Variants in ADGRL3 observed in about 807,000 individuals in gnomAD.
The protein encoded by ADGRL3 is calcium-independent alpha-latrotoxin receptor 3.
A neutral mutation model predicts 153.5 loss-of-function variants in ADGRL3; 62 were observed. That is an observed-to-expected ratio of 0.40 (90% CI 0.33 to 0.50). The LOEUF (loss-of-function observed/expected upper bound fraction) is 0.50, where lower values mean the gene tolerates loss of function less well. ADGRL3 is among the 20% of genes least tolerant of loss of function. ADGRL3 has a pLI of 0.47. For synonymous variants in ADGRL3, 710 were observed against 672.5 expected, an observed-to-expected ratio of 1.06 and a Z score of -0.86; for missense variants, 1,641 against 1,859.4, an observed-to-expected ratio of 0.88 and a Z score of 2.16.
chr4:61,484,443 C>G (rs148463726), intron 2 of ADGRL3, among the ~76,000 whole-genome samples: 1 of 152,134 alleles, frequency 6.6e-6, no homozygotes, highest in Non-Finnish European at 1.5e-5. Context: ...GTCAATTTTG[C>G]GAGGATTTAA....
At chr4:61,884,026 G>C (rs2098523284) in intron 9 of ADGRL3, among the ~76,000 whole-genome samples, 1 of 152,072 alleles carries the variant, frequency 6.6e-6, no homozygotes, top group Non-Finnish European at 1.5e-5. Flanking sequence ...GCTTTTTAGA[G>C]AAGGCTTCCA....
intron 8 of ADGRL3, among the ~76,000 whole-genome samples, chr4:61,760,867 G>C (rs568994753): frequency 9.2e-5 from 14 of 152,302 alleles, no homozygotes; most frequent in Admixed American, 4.6e-4. Context: ...CACAGACCCG[G>C]CTGTGTGGGA....
chr4:61,615,785 T>A (rs1200782990), intron 5 of ADGRL3, among the ~76,000 whole-genome samples: 1 of 152,100 alleles, frequency 6.6e-6, no homozygotes, highest in Admixed American at 6.6e-5. Context: ...GTGTATGTAT[T>A]TATATGTATA....
intron 9 of ADGRL3, among the ~76,000 whole-genome samples, chr4:61,835,930 G>A (rs986478784): frequency 6.6e-6 from 1 of 152,090 alleles, no homozygotes; most frequent in African/African-American, 2.4e-5. Flanking sequence ...GCTTTTAACT[G>A]CTCAAGATAA....
intron 25 of ADGRL3, among the ~76,000 whole-genome samples, chr4:62,048,924 TTCC>T (rs1333134587): frequency 6.6e-6 from 1 of 152,068 alleles, no homozygotes; most frequent in Non-Finnish European, 1.5e-5. Flanking sequence ...ACTGAGACAT[TTCC>T]TCTGACAGTG....
intron 3 of ADGRL3, among the ~76,000 whole-genome samples, chr4:61,498,668 G>A (rs1489376657): frequency 6.6e-6 from 1 of 152,124 alleles, no homozygotes; most frequent in Non-Finnish European, 1.5e-5. Flanking sequence ...TATACTTAAT[G>A]TTGTTCATTT....
rs1746041568 is a variant in ADGRL3, at chr4:62,072,606, A to C, written c.*1698A>C. Reference sequence around the variant, plus strand: ...AGATGAATAAGCTAAGCACAAAATCATACAGGTTTGCAGACAAAGTAAACC... The same window carrying C: ...AGATGAATAAGCTAAGCACAAAATCCTACAGGTTTGCAGACAAAGTAAACC... On this transcript the variant is annotated 3_prime_UTR_variant, in exon 27 of 27. Transcript: ENST00000683033. 3.9e-5 allele frequency: 6 copies of C among 152,416 alleles called. No individual in the cohort carries two copies. In the South Asian group the frequency reaches 1.2e-3, roughly 32 times the overall value. 9.4% of individuals were successfully genotyped at this position (152,416 alleles called of 1,614,324 possible).
chr4:61,222,317 A>G (rs902079482), intron 1 of ADGRL3, among the ~76,000 whole-genome samples: 1 of 152,162 alleles, frequency 6.6e-6, no homozygotes, highest in Non-Finnish European at 1.5e-5. Context: ...ATTTTAATTC[A>G]TAATTGTACA....
At chr4:61,812,547 A>G (rs2148606021) in intron 8 of ADGRL3, among the ~76,000 whole-genome samples, 1 of 152,308 alleles carries the variant, frequency 6.6e-6, no homozygotes, top group Admixed American at 6.5e-5. Flanking sequence ...GAAATATATA[A>G]CTGCATATTC....
At chr4:61,916,260 A>G (rs2098744663) in intron 13 of ADGRL3, among the ~76,000 whole-genome samples, 1 of 152,214 alleles carries the variant, frequency 6.6e-6, no homozygotes, top group African/African-American at 2.4e-5. Flanking sequence ...TTTAATATAC[A>G]TATTTTAATT....
intron 13 of ADGRL3, among the ~76,000 whole-genome samples, chr4:61,921,230 T>C (rs939374281): frequency 6.6e-6 from 1 of 152,084 alleles, no homozygotes; most frequent in South Asian, 2.1e-4. Context: ...AGACACATGG[T>C]ATAAAATTCA....
At chr4:61,606,565 G>A (rs142272562) in intron 5 of ADGRL3, among the ~76,000 whole-genome samples, 116 of 152,238 alleles carry the variant, frequency 7.6e-4, no homozygotes, top group African/African-American at 2.7e-3. Context: ...AAGGACATCA[G>A]TCCTATTGGA....
chr4:61,562,145 A>G (rs1203325057), intron 4 of ADGRL3, among the ~76,000 whole-genome samples: 1 of 152,178 alleles, frequency 6.6e-6, no homozygotes, highest in African/African-American at 2.4e-5. Context: ...TCTGTAGCCT[A>G]TTAGGTGTGC....
intron 4 of ADGRL3, among the ~76,000 whole-genome samples, chr4:61,537,698 A>AT (rs2098665393): frequency 6.6e-6 from 1 of 152,030 alleles, no homozygotes; most frequent in African/African-American, 2.4e-5. Context: ...CCTTTAGTGA[A>AT]TTTTTAAATT....
Position 61,844,651 on chromosome 4 carries a change from G to A in ADGRL3, c.1480+30762G>A, listed in dbSNP as rs191438661. ...AAAAGACTGACTAAAACGAATAATC[G>A]TAATAACCTCATTGTTTTGTAGTTT... is the stretch of plus-strand genomic sequence containing the variant. On this transcript the variant is annotated intron_variant, in intron 9 of 26. Transcript: ENST00000683033. Among the ~76,000 whole-genome samples the A allele has an allele frequency of 4.8e-3, 623 of 129,562 alleles. 22 individuals are homozygous for A. In the Admixed American group the frequency reaches 0.049, roughly 10 times the overall value. The allele number at this position is 129,562 out of a possible 152,430, so 85.0% of individuals were successfully genotyped here. A position where few individuals can be genotyped will look rare whatever the true frequency, so the allele number is the denominator to read the frequency against.
intron 5 of ADGRL3, among the ~76,000 whole-genome samples, chr4:61,630,207 C>T (rs1437370813): frequency 2.6e-5 from 4 of 152,146 alleles, no homozygotes; most frequent in Non-Finnish European, 2.9e-5. Context: ...AGGGTTTATA[C>T]ACATGTAATA....
At chr4:61,820,737 C>T (rs1017908177) in intron 9 of ADGRL3, among the ~76,000 whole-genome samples, 1 of 152,080 alleles carries the variant, frequency 6.6e-6, no homozygotes, top group Non-Finnish European at 1.5e-5. Context: ...AATACTACTT[C>T]GGTGATTTTA....
At position 61,234,795 on chromosome 4, in the gene ADGRL3, G is replaced by C. The variant is rs140503452; in HGVS notation, c.-240+33030G>C. Among the ~76,000 whole-genome samples, 1,382 of 152,208 alleles carry C rather than the reference G, an allele frequency of 9.1e-3. 10 individuals are homozygous for C. The highest frequency in any genetic ancestry group is 0.014 in the Non-Finnish European group (982 of 68,002). On this transcript the variant is annotated intron_variant, in intron 1 of 26. Transcript: ENST00000683033. ...GCAGTAGGATGATGACCGAATGAGGGGTAGTAGTGGACAGCAGGTGTACAT... is the reference window on the plus strand; with the variant it reads ...GCAGTAGGATGATGACCGAATGAGGCGTAGTAGTGGACAGCAGGTGTACAT...
At chr4:61,875,510 A>G (rs2098470053) in intron 9 of ADGRL3, among the ~76,000 whole-genome samples, 3 of 152,196 alleles carry the variant, frequency 2.0e-5, no homozygotes, top group African/African-American at 4.8e-5. Flanking sequence ...TATAAGCTGA[A>G]TGTTCATTCC....
Sources: gnomAD v4.1 joint callset for allele counts (sites outside exome capture counted in the v4.1 genomes callset) on GRCh38, gnomAD v4.1.1 for gene constraint, MANE v1.5 for transcripts, NCBI Gene and HGNC (gene_info 2026-07-23, HGNC 2026-07-21) for gene names.